The following PTPN13 variants were observed in gnomAD, a reference collection of about 807,000 sequenced individuals.
The protein encoded by PTPN13 is tyrosine-protein phosphatase non-receptor type 13.
In PTPN13, 191 loss-of-function variants were observed where a neutral mutation model predicts 284.0. That is an observed-to-expected ratio of 0.67 (90% CI 0.60 to 0.76). The LOEUF (loss-of-function observed/expected upper bound fraction) is 0.76, where lower values mean the gene tolerates loss of function less well. Among genes scored for constraint, PTPN13 ranks in the 30% least tolerant of loss-of-function variants. PTPN13 has a pLI of 0.00. For synonymous variants in PTPN13, 986 were observed against 1,022.3 expected, an observed-to-expected ratio of 0.96 and a Z score of 0.68; for missense variants, 2,797 against 2,939.9, an observed-to-expected ratio of 0.95 and a Z score of 1.12.
chr4:86,788,546 T>A (rs1742253873), intron 40 of PTPN13, among the ~76,000 whole-genome samples: 1 of 152,248 alleles, frequency 6.6e-6, no homozygotes, highest in African/African-American at 2.4e-5. Context: ...CTCTGATAGC[T>A]ATTTATACAT....
At chr4:86,695,111 C>T (rs1730463597) in intron 6 of PTPN13, among the ~76,000 whole-genome samples, 1 of 152,116 alleles carries the variant, frequency 6.6e-6, no homozygotes, top group South Asian at 2.1e-4. Flanking sequence ...TGTAATGGTA[C>T]AGTTAAGTAT....
At chr4:86,691,456 A>T (rs1460317292) in intron 5 of PTPN13, among the ~76,000 whole-genome samples, 1 of 151,968 alleles carries the variant, frequency 6.6e-6, no homozygotes, top group Non-Finnish European at 1.5e-5. Flanking sequence ...ACAAAGACAA[A>T]TTTTTACTAA....
chr4:86,731,484 G>A (rs1416300083), intron 10 of PTPN13, among the ~76,000 whole-genome samples: 1 of 152,160 alleles, frequency 6.6e-6, no homozygotes, highest in Non-Finnish European at 1.5e-5. Flanking sequence ...ATTGGCAGGG[G>A]TCAGAGACTA....
rs751165952 is a variant in PTPN13 at position 86,750,595 on chromosome 4, T to G, written c.2776T>G (p.Ser926Ala). The G allele has an allele frequency of 6.2e-7, 1 of 1,613,810 alleles. No individual in the cohort carries two copies. Among genetic ancestry groups the G allele is most frequent in the South Asian group, 1.1e-5 (1 of 91,088 alleles). The change falls in exon 18 of 48, where the codon TCA (serine) becomes GCA (alanine). Residue 926 changes from serine (S) to alanine (A), a missense_variant. By Grantham distance (99) the Ser-to-Ala change is moderately conservative. Transcript: ENST00000411767. ...TLNKLAVRPL[S>A]VQAEILKRLS... ...CAACAAACTTGCTGTTCGACCTTTA[T>G]CAGTTCAAGCTGAGATTCTGAAGAG...
chr4:86,607,750 GT>G (rs1013018405), intron 1 of PTPN13, among the ~76,000 whole-genome samples: 1 of 151,924 alleles, frequency 6.6e-6, no homozygotes, highest in African/African-American at 2.4e-5. Context: ...AAATTCATGA[GT>G]TTTTTTATGA....
At position 86,734,243 on chromosome 4, in the gene PTPN13, C is replaced by T. The variant is rs1350086882; in HGVS notation, c.1859-60C>T. 7.9e-6 allele frequency: 10 copies of T among 1,264,338 alleles called. No individual in the cohort carries two copies. The East Asian group carries it at 1.6e-4, about 20-fold the overall frequency. The allele number at this position is 1,264,338 out of a possible 1,614,324, so 78.3% of individuals were successfully genotyped here. On this transcript the variant is annotated intron_variant, in intron 12 of 47. Transcript: ENST00000411767. ...AAGTCTGACCAAAAAGTGAAGAAAT[C>T]GGAAGAAAACACTAAAGTATTTTTT...
Position 86,728,181 on chromosome 4 carries a change from C to T in PTPN13, c.1609-4219C>T, listed in dbSNP as rs994586125. On this transcript the variant is annotated intron_variant, in intron 10 of 47. Transcript: ENST00000411767. ...TTGATTGCACTGTAGTCTGAGAGAC[C>T]GTTTGTTGTGATTTCTGTTCTTTTA... is the stretch of plus-strand genomic sequence containing the variant. Among the ~76,000 whole-genome samples the T allele has an allele frequency of 1.0e-4, 15 of 149,174 alleles. 1 individual carries two copies. The highest frequency in any genetic ancestry group is 1.7e-4 in the Non-Finnish European group (11 of 66,496).
Position 86,807,805 on chromosome 4 carries a change from A to G in PTPN13, c.6991A>G (p.Thr2331Ala), listed in dbSNP as rs79594407. 16 of 1,614,028 alleles carry G rather than the reference A, an allele frequency of 9.9e-6. No homozygotes were observed. In the East Asian group the frequency reaches 2.2e-4, roughly 22 times the overall value. Residue 2331 changes from threonine (T) to alanine (A), a missense_variant, in exon 45 of 48, where the codon ACA becomes GCA. Coordinates refer to ENST00000411767, the MANE Select transcript of PTPN13 (RefSeq NM_080683.3). ...TTGGCCCAACATCCTAGGCAAAACA[A>G]CAATGGTCAGCAACAGACTTCGACT... ...RYWPNILGKTTMVSNRLRLAL... is the reference protein window; with the variant it reads ...RYWPNILGKTAMVSNRLRLAL...
At chr4:86,786,990 A>G (rs1199450096) in intron 40 of PTPN13, among the ~76,000 whole-genome samples, 1 of 151,908 alleles carries the variant, frequency 6.6e-6, no homozygotes, top group Admixed American at 6.6e-5. Flanking sequence ...CTGTATTCCC[A>G]GCCCCTCGGG....
intron 38 of PTPN13, 73 bp downstream of exon 38, chr4:86,784,631 T>C: frequency 1.1e-6 from 1 of 945,532 alleles, no homozygotes; most frequent in Admixed American, 2.7e-5. Flanking sequence ...AAAATAGGTA[T>C]CCTCTTTTCT....
chr4:86,762,842 T>C lies in PTPN13; in HGVS notation c.3669T>C (p.Gly1223=), dbSNP rs759932800. ...CCAAGGATCACCACTGGTCACGTGGTACCCTGAGGCACATCTCGGAGAACT... is the reference window on the plus strand; with the variant it reads ...CCAAGGATCACCACTGGTCACGTGGCACCCTGAGGCACATCTCGGAGAACT... ...SSSKDHHWSR[G]TLRHISENSF... Residue 1223 remains glycine, a synonymous_variant, in exon 24 of 48, where the codon GGT becomes GGC. Coordinates refer to ENST00000411767, the MANE Select transcript of PTPN13 (RefSeq NM_080683.3). The C allele has an allele frequency of 1.2e-6, 2 of 1,613,886 alleles. No homozygotes were observed. The highest frequency in any genetic ancestry group is 8.5e-7 in the Non-Finnish European group (1 of 1,179,846).
intron 7 of PTPN13, among the ~76,000 whole-genome samples, chr4:86,711,923 T>C (rs1380598661): frequency 2.0e-5 from 3 of 152,148 alleles, no homozygotes; most frequent in South Asian, 2.1e-4. Flanking sequence ...TTCAAGAATT[T>C]TGGCATTCAG....
intron 20 of PTPN13, among the ~76,000 whole-genome samples, chr4:86,756,514 C>G (rs937651362): frequency 1.3e-5 from 2 of 152,024 alleles, no homozygotes; most frequent in African/African-American, 2.4e-5. Context: ...CGAATTACCA[C>G]TACTCTTATT....
chr4:86,798,523 A>G (rs1316971977), intron 41 of PTPN13, among the ~76,000 whole-genome samples: 1 of 152,106 alleles, frequency 6.6e-6, no homozygotes, highest in Non-Finnish European at 1.5e-5. Context: ...TCACCTTAGC[A>G]CTAAACACCG....
rs1731124289 is a variant in PTPN13, at chr4:86,701,267, G to A, written c.661G>A (p.Asp221Asn). 1 of 1,593,632 alleles carries A rather than the reference G, an allele frequency of 6.3e-7. No individual in the cohort carries two copies. ...TGRSSTSDVLDIQKPPLSHQT... is the reference protein window; with the variant it reads ...TGRSSTSDVLNIQKPPLSHQT... ...AAGAAGCTCTACTTCTGATGTACTA[G>A]ACATACAAAAGCCTCCACTCTCTCA... The change falls in exon 7 of 48, where the codon GAC (aspartate) becomes AAC (asparagine). Residue 221 changes from aspartate to asparagine, a missense_variant. Transcript: ENST00000411767.
chr4:86,798,665 T>G (rs2149358757), intron 41 of PTPN13, among the ~76,000 whole-genome samples: 1 of 152,334 alleles, frequency 6.6e-6, no homozygotes, highest in East Asian at 1.9e-4. Context: ...AGGAGTGTCC[T>G]TCTGGCCTCC....
intron 1 of PTPN13, among the ~76,000 whole-genome samples, chr4:86,629,426 A>G (rs546378806): frequency 1.3e-4 from 20 of 151,576 alleles, no homozygotes; most frequent in East Asian, 1.2e-3. Context: ...TAGAATGGCA[A>G]TCATTAAAAA....
intron 10 of PTPN13, among the ~76,000 whole-genome samples, chr4:86,723,518 CA>C (rs1733901610): frequency 1.3e-5 from 2 of 152,278 alleles, no homozygotes; most frequent in South Asian, 4.1e-4. Context: ...TCCCTGGTGC[CA>C]AAAAGATCGG....
At chr4:86,809,640 G>A (rs957227742) in intron 45 of PTPN13, 129 bp from the exon 46 acceptor site, 9 of 784,416 alleles carry the variant, frequency 1.1e-5, no homozygotes, top group South Asian at 5.3e-5. Flanking sequence ...GCAGTGAGCC[G>A]AGATTGCACC....
Sources: allele counts gnomAD v4.1 joint callset (sites outside exome capture counted in the v4.1 genomes callset), GRCh38; gene constraint gnomAD v4.1.1; transcripts MANE v1.5; gene names NCBI Gene and HGNC (gene_info 2026-07-23, HGNC 2026-07-21).